The following FURIN variants were observed in gnomAD, a reference collection of about 807,000 sequenced individuals.
The protein encoded by FURIN is furin, paired basic amino acid cleaving enzyme.
FURIN carries 18 observed loss-of-function variants against 89.2 expected under a neutral mutation model. The observed-to-expected ratio is 0.20, with a 90% CI of 0.14 to 0.30. The LOEUF is 0.30. Among genes scored for constraint, FURIN ranks in the 10% least tolerant of loss-of-function variants. The pLI is 1.00. For missense variants in FURIN, 879 were observed against 1,100.5 expected, an observed-to-expected ratio of 0.80 and a Z score of 2.85; for synonymous variants, 508 against 466.4, an observed-to-expected ratio of 1.09 and a Z score of -1.15.
At position 90,876,401 on chromosome 15, in the gene FURIN, T is replaced by C. The variant is rs1341319053; in HGVS notation, c.276+48T>C. On this transcript the variant is annotated intron_variant, in intron 3 of 15. Coordinates refer to ENST00000268171, the MANE Select transcript of FURIN (RefSeq NM_002569.4). This position sits in a 1 kb window ranked among gnomAD's most constrained non-coding sequence, Gnocchi z 5.0. ...CCTGCTGCCACCCTCCCCCTCCTGC[T>C]CTCAGGAGCCCCTCTCGCCTCCTGC... 2 of 1,492,356 alleles carry C rather than the reference T, an allele frequency of 1.3e-6. No homozygotes were observed. The allele number at this position is 1,492,356 out of a possible 1,614,324, so 92.4% of individuals were successfully genotyped here. A position where few individuals can be genotyped will look rare whatever the true frequency, so the allele number is the denominator to read the frequency against.
rs1338422526 is a variant in FURIN, at chr15:90,880,747, C to G, written c.1613C>G (p.Ser538Cys). ...GACTGGGCCTTCATGACAACTCATT[C>G]CTGGGATGAGGATCCCTCTGGCGAG... ...FNDWAFMTTH[S>C]WDEDPSGEWV... is the part of the protein sequence containing the mutation. Residue 538 changes from serine (S) to cysteine (C), a missense_variant, in exon 14 of 16, where the codon TCC (serine) becomes TGC (cysteine). Coordinates refer to ENST00000268171, the MANE Select transcript of FURIN (RefSeq NM_002569.4). 1.9e-6 allele frequency: 3 copies of G among 1,614,028 alleles called. No individual in the cohort carries two copies. The highest frequency in any genetic ancestry group is 2.2e-5 in the East Asian group (1 of 44,884).
chr15:90,880,869 C>T lies in FURIN; in HGVS notation c.1681+54C>T, dbSNP rs553124192. 2.0e-5 allele frequency: 33 copies of T among 1,610,534 alleles called. No individual in the cohort carries two copies. The South Asian group carries it at 2.1e-4, about 10-fold the overall frequency. ...ACGAGGTGGAGGGCTGGCAGGATCTCGAGCACTGGGTGTGGTGCCAGCACT... is the reference window on the plus strand; with the variant it reads ...ACGAGGTGGAGGGCTGGCAGGATCTTGAGCACTGGGTGTGGTGCCAGCACT... On this transcript the variant is annotated intron_variant, in intron 14 of 15. Transcript: ENST00000268171.
chr15:90,878,971 C>G lies in FURIN; in HGVS notation c.1048C>G (p.Gln350Glu). The G allele has an allele frequency of 6.4e-7, 1 of 1,564,194 alleles. No individual in the cohort carries two copies. The highest frequency in any genetic ancestry group is 8.7e-7 in the Non-Finnish European group (1 of 1,146,508). Residue 350 changes from glutamine (Q) to glutamate (E), a missense_variant, in exon 9 of 16, where the codon CAG becomes GAG. Gln to Glu is a conservative substitution (Grantham distance 29). This residue lies in a region of FURIN where 156 missense variants were observed against 243.7 expected (regional missense o/e 0.64). Transcript: ENST00000268171. ...TYSSGNQNEK[Q>E]IVTTDLRQKC... ...CAGCAGTGGCAACCAGAATGAGAAG[C>G]AGATCGTGAGTCTTACCTGGGGGTG...
At chr15:90,880,443 G>C (rs1334613042) in intron 13 of FURIN, among the ~76,000 whole-genome samples, 170 bp downstream of exon 13, 1 of 152,244 alleles carries the variant, frequency 6.6e-6, no homozygotes, top group African/African-American at 2.4e-5. Context: ...CATGTTGCAG[G>C]AATCCCTGGC....
At position 90,878,931 on chromosome 15, in the gene FURIN, A is replaced by G. The variant is rs761041780; in HGVS notation, c.1008A>G (p.Thr336=). The G allele has an allele frequency of 7.4e-6, 12 of 1,611,318 alleles. No homozygotes were observed. The highest frequency in any genetic ancestry group is 1.3e-5 in the African/African-American group (1 of 74,840). Residue 336 remains threonine, a synonymous_variant, in exon 9 of 16, where the codon ACA becomes ACG. Coordinates refer to ENST00000268171, the MANE Select transcript of FURIN (RefSeq NM_002569.4). The part of the protein sequence containing the change: ...VPWYSEACSS[T]LATTYSSGNQ... Reference sequence around the variant, plus strand: ...GGTACAGCGAGGCCTGCTCGTCCACACTGGCCACGACCTACAGCAGTGGCA... The same window carrying G: ...GGTACAGCGAGGCCTGCTCGTCCACGCTGGCCACGACCTACAGCAGTGGCA...
Position 90,880,913 on chromosome 15 carries a change from TC to T in FURIN, c.1682-13del. ...CAGCACTGTCTTAACTCTTGCCTCC[TC>T]CCCGCTCTGGAACAGGGACGCTGAC... is the stretch of plus-strand genomic sequence containing the variant. On this transcript the variant is annotated splice_polypyrimidine_tract_variant and intron_variant, in intron 14 of 15. Coordinates refer to ENST00000268171, the MANE Select transcript of FURIN (RefSeq NM_002569.4). The T allele has an allele frequency of 6.2e-7, 1 of 1,612,680 alleles. No individual in the cohort carries two copies. Among genetic ancestry groups the T allele is most frequent in the Middle Eastern group, 1.7e-4 (1 of 6,052 alleles).
chr15:90,877,545 G>A lies in FURIN; in HGVS notation c.597G>A (p.Ala199=), dbSNP rs373617418. 95 of 1,577,120 alleles carry A rather than the reference G, an allele frequency of 6.0e-5. No homozygotes were observed. The highest frequency in any genetic ancestry group is 4.2e-4 in the South Asian group (36 of 85,874). ...CTGGCAGGCACGGCACACGGTGTGC[G>A]GGGGAAGTGGCTGCGGTGGCCAACA... ...MNDNRHGTRC[A]GEVAAVANNG... The change falls in exon 7 of 16, where the codon GCG becomes GCA. Residue 199 remains alanine (A), a synonymous_variant. Transcript: ENST00000268171.
At position 90,881,131 on chromosome 15, in the gene FURIN, C is replaced by G; in HGVS notation, c.1792+91C>G. 1 of 1,157,180 alleles carries G rather than the reference C, an allele frequency of 8.6e-7. No homozygotes were observed. The highest frequency in any genetic ancestry group is 1.3e-6 in the Non-Finnish European group (1 of 778,380). The allele number at this position is 1,157,180 out of a possible 1,614,324, so 71.7% of individuals were successfully genotyped here. ...AAGCCCAGCTCTAACAGAAAAAAGTCTCAAGAGACCTAGGGCCCCTGGGGC... is the reference window on the plus strand; with the variant it reads ...AAGCCCAGCTCTAACAGAAAAAAGTGTCAAGAGACCTAGGGCCCCTGGGGC... On this transcript the variant is annotated intron_variant, in intron 15 of 15. Transcript: ENST00000268171. The surrounding 1 kb of genome is among the most constrained non-coding windows in gnomAD (Gnocchi z 4.3).
At chr15:90,879,402 C>A in intron 9 of FURIN, 42 bp from the exon 10 acceptor site, 1 of 1,408,948 alleles carries the variant, frequency 7.1e-7, no homozygotes, top group Non-Finnish European at 1.0e-6. Flanking sequence ...CTCTAGCCCC[C>A]TCCACCCATC....
intron 1 of FURIN, among the ~76,000 whole-genome samples, chr15:90,872,076 C>T (rs966907949): frequency 3.3e-5 from 5 of 151,530 alleles, no homozygotes; most frequent in Non-Finnish European, 7.4e-5. Flanking sequence ...TCGCCCACTC[C>T]GCGGCCGAGG....
chr15:90,871,437 G>C (rs906571519), intron 1 of FURIN: 1 of 150,480 alleles, frequency 6.6e-6, no homozygotes, highest in African/African-American at 2.4e-5. Context: ...CGGAGGCAGC[G>C]GGCGCCCCAG....
At chr15:90,880,839 G>A (rs745700563) in intron 14 of FURIN, 24 bp downstream of exon 14, 2 of 1,611,418 alleles carry the variant, frequency 1.2e-6, no homozygotes, top group Non-Finnish European at 1.7e-6. Context: ...TTGAGGGGTA[G>A]GGGTACGAGG....
At position 90,879,460 on chromosome 15, in the gene FURIN, G is replaced by A. The variant is rs753533583; in HGVS notation, c.1070G>A (p.Arg357Gln). 8.7e-6 allele frequency: 14 copies of A among 1,612,784 alleles called. No homozygotes were observed. The South Asian group carries it at 9.9e-5, about 11-fold the overall frequency. ...TCCTGGCAGGTGACGACTGACTTGC[G>A]GCAGAAGTGCACGGAGTCTCACACG... ...NEKQIVTTDL[R>Q]QKCTESHTGT... The change falls in exon 10 of 16, where the codon CGG (arginine) becomes CAG (glutamine). Residue 357 changes from arginine to glutamine, a missense_variant. This residue lies in a region of FURIN where 156 missense variants were observed against 243.7 expected (regional missense o/e 0.64). Coordinates refer to ENST00000268171, the MANE Select transcript of FURIN (RefSeq NM_002569.4).
chr15:90,870,059 C>T (rs1461619143), intron 1 of FURIN, among the ~76,000 whole-genome samples: 4 of 152,226 alleles, frequency 2.6e-5, no homozygotes, highest in Admixed American at 1.3e-4. Context: ...TCTTCCCGCT[C>T]AACTTTGAGG....
rs765457772 is a variant in FURIN at position 90,876,884 on chromosome 15, G to A, written c.373-12G>A. On this transcript the variant is annotated splice_polypyrimidine_tract_variant and intron_variant, in intron 4 of 15. Transcript: ENST00000268171. The surrounding 1 kb of genome is among the most constrained non-coding windows in gnomAD (Gnocchi z 5.0). ...TCATGTCTCATAAGTGATGGGGTGGGTGTCTCCACAGTCTGGTGTCACTCA... is the reference window on the plus strand; with the variant it reads ...TCATGTCTCATAAGTGATGGGGTGGATGTCTCCACAGTCTGGTGTCACTCA... 2 of 1,613,662 alleles carry A rather than the reference G, an allele frequency of 1.2e-6. No homozygotes were observed. Among genetic ancestry groups the A allele is most frequent in the Non-Finnish European group, 1.7e-6 (2 of 1,179,756 alleles).
At chr15:90,871,150 G>A (rs1469959524) in intron 1 of FURIN, among the ~76,000 whole-genome samples, 4 of 152,174 alleles carry the variant, frequency 2.6e-5, no homozygotes, top group East Asian at 3.9e-4. Flanking sequence ...CACTTAACCC[G>A]GTCAGGCTCA....
In FURIN at chr15:90,877,572, C is replaced by G. The variant is rs145974190; in HGVS notation, c.624C>G (p.Asn208Lys). Reference protein sequence around the residue: ...CAGEVAAVANNGVCGVGVAYN... With the variant: ...CAGEVAAVANKGVCGVGVAYN... ...GGGAAGTGGCTGCGGTGGCCAACAA[C>G]GGTGTCTGTGGTGTAGGTGTGGCCT... Residue 208 changes from asparagine (N) to lysine (K), a missense_variant, in exon 7 of 16, where the codon AAC (asparagine) becomes AAG (lysine). Physicochemically the swap from Asn to Lys is moderately conservative, Grantham distance 94. Transcript: ENST00000268171. 6.3e-7 allele frequency: 1 copy of G among 1,579,316 alleles called. No homozygotes were observed. The highest frequency in any genetic ancestry group is 1.3e-5 in the African/African-American group (1 of 74,306).
chr15:90,873,088 G>A (rs2031406144), intron 1 of FURIN: 1 of 152,290 alleles, frequency 6.6e-6, no homozygotes, highest in Non-Finnish European at 1.5e-5. Context: ...GAGACAAACT[G>A]GGACTAGAGG....
intron 1 of FURIN, 108 bp from the exon 2 acceptor site, chr15:90,875,474 G>C (rs925543325): frequency 1.8e-5 from 7 of 389,054 alleles, no homozygotes; most frequent in African/African-American, 1.5e-4. Flanking sequence ...TTCTCCCCCA[G>C]ATCTCATTTC....
Sources: gnomAD v4.1 joint callset for allele counts (sites outside exome capture counted in the v4.1 genomes callset) on GRCh38, gnomAD v4.1.1 for gene constraint, gnomAD v4.1.1 regional missense constraint, Gnocchi (gnomAD v3.1) non-coding constraint, MANE v1.5 for transcripts, NCBI Gene and HGNC (gene_info 2026-07-23, HGNC 2026-07-21) for gene names.